Variants in KAT5 observed in about 807,000 individuals in gnomAD.
KAT5 encodes lysine acetyltransferase 5, also known as histone acetyltransferase KAT5.
In KAT5, 31 loss-of-function variants were observed where a neutral mutation model predicts 68.1. The observed-to-expected ratio is 0.46, with a 90% CI of 0.34 to 0.61. The LOEUF (loss-of-function observed/expected upper bound fraction) is 0.61. KAT5 is among the 20% of genes least tolerant of loss of function. The pLI, the probability that KAT5 is intolerant of heterozygous loss-of-function variation, is 0.01. For missense variants in KAT5, 451 were observed against 725.5 expected, an observed-to-expected ratio of 0.62 and a Z score of 4.35; for synonymous variants, 365 against 292.6, an observed-to-expected ratio of 1.25 and a Z score of -2.52.
intron 1 of KAT5, 81 bp from the exon 2 acceptor site, chr11:65,712,685 T>G: frequency 1.3e-6 from 2 of 1,520,138 alleles, no homozygotes; most frequent in Non-Finnish European, 1.8e-6. Context: ...GGATCCGGCC[T>G]GGGGGTGGAG....
In KAT5 at chr11:65,714,493, A is replaced by G; in HGVS notation, c.691-2A>G. ...CTGGTATTTTCCACTGGCCCTGGGC[A>G]GGACTCCCAGGACAGCTCTGATGGA... On this transcript the variant is annotated splice_acceptor_variant, in intron 6 of 12. Transcript: ENST00000341318. LOFTEE classifies it high-confidence loss of function. 2.5e-6 allele frequency: 4 copies of G among 1,613,544 alleles called. No individual in the cohort carries two copies. The highest frequency in any genetic ancestry group is 3.4e-6 in the Non-Finnish European group (4 of 1,179,834).
chr11:65,718,369 C>T (rs1232326645), intron 10 of KAT5: 2 of 526,438 alleles, frequency 3.8e-6, no homozygotes, highest in Admixed American at 6.5e-5. Context: ...AGCTGCTCCT[C>T]TCAGTGCCCT....
intron 8 of KAT5, 125 bp from the exon 9 acceptor site, chr11:65,716,542 G>A: frequency 2.2e-6 from 2 of 910,988 alleles, no homozygotes; most frequent in South Asian, 3.0e-5. Context: ...CCCAGCCAGG[G>A]AAGAACACTC....
Position 65,719,038 on chromosome 11 carries a change from T to C in KAT5, c.1507-9T>C. On this transcript the variant is annotated splice_polypyrimidine_tract_variant and intron_variant, in intron 12 of 12. Coordinates refer to ENST00000341318, the MANE Select transcript of KAT5 (RefSeq NM_182710.3). The stretch of plus-strand genomic sequence containing the variant: ...CTGACCACCTGCTGAACCCATCTCC[T>C]CTGCCCAGGGCCAGTACATCCTCAC... 1 of 1,614,084 alleles carries C rather than the reference T, an allele frequency of 6.2e-7. No individual in the cohort carries two copies. The highest frequency in any genetic ancestry group is 8.5e-7 in the Non-Finnish European group (1 of 1,179,962).
At chr11:65,714,970 C>T (rs1390667402) in intron 8 of KAT5, 60 bp downstream of exon 8, 4 of 1,429,340 alleles carry the variant, frequency 2.8e-6, no homozygotes, top group Non-Finnish European at 3.9e-6. Flanking sequence ...TCTTCTTGCT[C>T]AGGTAAACAC....
Position 65,714,650 on chromosome 11 carries a change from G to A in KAT5, c.846G>A (p.Pro282=), listed in dbSNP as rs765982091. 23 of 1,614,058 alleles carry A rather than the reference G, an allele frequency of 1.4e-5. No individual in the cohort carries two copies. The highest frequency in any genetic ancestry group is 1.1e-4 in the East Asian group (5 of 44,892). ...RHRLKPWYFS[P]YPQELTTLPV... ...GCCTCAAGCCGTGGTACTTCTCCCC[G>A]TACCCACAGGAACTCACCACATTGC... Residue 282 remains proline (P), a synonymous_variant, in exon 7 of 13, where the codon CCG becomes CCA. Transcript: ENST00000341318.
chr11:65,718,560 TACTC>T (rs1857285399), intron 10 of KAT5, 26 bp from the exon 11 acceptor site: 23 of 1,601,668 alleles, frequency 1.4e-5, no homozygotes, highest in South Asian at 5.5e-5. Context: ...TGTGACCTCT[TACTC>T]ACCCTCTCCT....
intron 1 of KAT5, 33 bp downstream of exon 1, chr11:65,712,478 C>A: frequency 6.4e-7 from 1 of 1,572,334 alleles, no homozygotes; most frequent in Non-Finnish European, 8.6e-7. Context: ...ACTAAGGAAC[C>A]TGAGGGCGAG....
Position 65,712,883 on chromosome 11 carries a change from T to C in KAT5, c.248-39T>C, listed in dbSNP as rs143689841. The C allele has an allele frequency of 1.9e-4, 300 of 1,614,050 alleles. 1 individual carries two copies. The African/African-American group carries it at 3.6e-3, about 19-fold the overall frequency. On this transcript the variant is annotated intron_variant, in intron 2 of 12. Coordinates refer to ENST00000341318, the MANE Select transcript of KAT5 (RefSeq NM_182710.3). ...GCATCAGGGTAGGGTTGGGGGACAG[T>C]CTTTGGCATTCTGTCCTGAGCCATC...
At position 65,712,622 on chromosome 11, in the gene KAT5, G is replaced by T. The variant is rs769241061; in HGVS notation, c.179-144G>T. 3 of 1,208,446 alleles carry T rather than the reference G, an allele frequency of 2.5e-6. No homozygotes were observed. In the Admixed American group the frequency reaches 6.1e-5, roughly 25 times the overall value. The allele number at this position is 1,208,446 out of a possible 1,614,324, so 74.9% of individuals were successfully genotyped here. A position where few individuals can be genotyped will look rare whatever the true frequency, so the allele number is the denominator to read the frequency against. On this transcript the variant is annotated intron_variant, in intron 1 of 12. Transcript: ENST00000341318. ...GGTACAGGGCGGGGCCTGGAAAGGG[G>T]TGGCACTTGTGACTGAAGGAGGCTT...
chr11:65,713,930 T>A, intron 6 of KAT5, 82 bp downstream of exon 6: 1 of 1,291,192 alleles, frequency 7.7e-7, no homozygotes, highest in African/African-American at 1.5e-5. Context: ...GTGATGAGTT[T>A]AAAAATAAAG....
chr11:65,712,587 T>C lies in KAT5; in HGVS notation c.178+142T>C, dbSNP rs780401552. ...TTGATGAAGGGGCGTGGCTCTTAGC[T>C]GCTCCGAGAGGTACAGGGCGGGGCC... On this transcript the variant is annotated intron_variant, in intron 1 of 12. Coordinates refer to ENST00000341318, the MANE Select transcript of KAT5 (RefSeq NM_182710.3). 9.8e-6 allele frequency: 12 copies of C among 1,226,586 alleles called. No individual in the cohort carries two copies. The Admixed American group carries it at 2.7e-4, about 27-fold the overall frequency. The allele number at this position is 1,226,586 out of a possible 1,614,324, so 76.0% of individuals were successfully genotyped here. A position where few individuals can be genotyped will look rare whatever the true frequency, so the allele number is the denominator to read the frequency against.
Position 65,713,417 on chromosome 11 carries a change from C to T in KAT5, c.454C>T (p.Pro152Ser), listed in dbSNP as rs1857091360. ...PVQITLRFNL[P>S]KEREAIPGGE... The stretch of plus-strand genomic sequence containing the variant: ...CCAGATCACACTCCGCTTCAACCTG[C>T]CCAAGGAGCGGGAGGCCATTCCCGG... Residue 152 changes from proline (P) to serine (S), a missense_variant, in exon 4 of 13, where the codon CCC becomes TCC. By Grantham distance (74) the Pro-to-Ser change is moderately conservative. Coordinates refer to ENST00000341318, the MANE Select transcript of KAT5 (RefSeq NM_182710.3). 2 of 1,614,120 alleles carry T rather than the reference C, an allele frequency of 1.2e-6. No homozygotes were observed. Among genetic ancestry groups the T allele is most frequent in the Admixed American group, 1.7e-5 (1 of 60,014 alleles).
intron 3 of KAT5, 42 bp downstream of exon 3, chr11:65,713,100 A>G (rs199587618): frequency 6.0e-5 from 97 of 1,609,582 alleles, no homozygotes; most frequent in African/African-American, 1.2e-4. Context: ...CCTGCCTCCT[A>G]TTTCTCTTGT....
In KAT5 at chr11:65,712,264, G is replaced by C. The variant is rs1857042976; in HGVS notation, c.-4G>C. The C allele has an allele frequency of 2.1e-6, 3 of 1,414,908 alleles. No homozygotes were observed. Among genetic ancestry groups the C allele is most frequent in the Non-Finnish European group, 2.8e-6 (3 of 1,085,188 alleles). The allele number at this position is 1,414,908 out of a possible 1,614,324, so 87.6% of individuals were successfully genotyped here. ...GGCCGGAAGTGGCAGTGGAGGGAGG[G>C]AAGATGGCGGAGGTGGTGAGTCCGG... is the stretch of plus-strand genomic sequence containing the variant. On this transcript the variant is annotated 5_prime_UTR_variant, in exon 1 of 13. Coordinates refer to ENST00000341318, the MANE Select transcript of KAT5 (RefSeq NM_182710.3).
In KAT5 at chr11:65,713,440, C is replaced by A. The variant is rs748203098; in HGVS notation, c.477C>A (p.Pro159=). 7.4e-6 allele frequency: 12 copies of A among 1,614,052 alleles called. No individual in the cohort carries two copies. Among genetic ancestry groups the A allele is most frequent in the Non-Finnish European group, 1.0e-5 (12 of 1,180,028 alleles). The change falls in exon 4 of 13, where the codon CCC becomes CCA. Residue 159 remains proline (P), a synonymous_variant. Transcript: ENST00000341318. ...TGCCCAAGGAGCGGGAGGCCATTCC[C>A]GGTGGCGAGCCTGACCAGCCGCTCT... ...FNLPKEREAI[P]GGEPDQPLSS... is the part of the protein sequence containing the mutation.
Position 65,718,627 on chromosome 11 carries a change from C to A in KAT5, c.1302C>A (p.Thr434=). The A allele has an allele frequency of 6.2e-7, 1 of 1,614,196 alleles. No individual in the cohort carries two copies. Among genetic ancestry groups the A allele is most frequent in the Non-Finnish European group, 8.5e-7 (1 of 1,180,022 alleles). Reference sequence around the variant, plus strand: ...CCAAAGTGGAAGGGAAAACAGGGACCCCTGAGAAGCCCCTCTCAGACCTTG... The same window carrying A: ...CCAAAGTGGAAGGGAAAACAGGGACACCTGAGAAGCCCCTCTCAGACCTTG... ...ELSKVEGKTG[T]PEKPLSDLGL... The change falls in exon 11 of 13, where the codon ACC becomes ACA. Residue 434 remains threonine (T), a synonymous_variant. Transcript: ENST00000341318.
chr11:65,717,292 C>T, intron 10 of KAT5: 1 of 486,524 alleles, frequency 2.1e-6, no homozygotes, highest in East Asian at 3.8e-5. Context: ...GCCGCTGGTG[C>T]TGATGTATCT....
rs774055932 is a variant in KAT5, at chr11:65,713,456, C to T, written c.493C>T (p.Gln165Ter). ...REAIPGGEPD[Q>*]PLSSSSCLQP... ...GGCCATTCCCGGTGGCGAGCCTGAC[C>T]AGCCGCTCTCCTCCAGCTCCTGCCT... Residue 165 changes from glutamine (Q) to a stop codon, truncating the protein, a stop_gained, in exon 4 of 13, where the codon CAG becomes TAG. Coordinates refer to ENST00000341318, the MANE Select transcript of KAT5 (RefSeq NM_182710.3). LOFTEE classifies it high-confidence loss of function. 6.2e-7 allele frequency: 1 copy of T among 1,614,060 alleles called. No homozygotes were observed. Among genetic ancestry groups the T allele is most frequent in the Non-Finnish European group, 8.5e-7 (1 of 1,180,052 alleles).
Sources: allele counts gnomAD v4.1 joint callset, GRCh38; gene constraint gnomAD v4.1.1; transcripts MANE v1.5; gene names NCBI Gene and HGNC (gene_info 2026-07-23, HGNC 2026-07-21).